Variants in KMT2A observed in about 807,000 individuals in gnomAD.
The protein encoded by KMT2A is histone-lysine N-methyltransferase 2A.
Under a neutral mutation model 345.3 loss-of-function variants are expected in KMT2A, and 16 were observed. The ratio of observed to expected loss-of-function variants is 0.05; its 90% CI spans 0.03 to 0.07. KMT2A has a LOEUF of 0.07. KMT2A is among the 10% of genes least tolerant of loss of function. KMT2A has a pLI of 1.00. For missense variants in KMT2A, 3,272 were observed against 4,841.6 expected (o/e 0.68, Z 9.62); for synonymous variants, 1,599 against 1,778.6 (o/e 0.90, Z 2.54).
chr11:118,472,678 C>T lies in KMT2A; in HGVS notation c.1519C>T (p.Pro507Ser), dbSNP rs191014566. ...ACTTCCTGAGGAGCGGAGCGATACC[C>T]CTGAAGTTCATCCTCCACTGCCCAT... ...QVLPEERSDT[P>S]EVHPPLPISQ... Residue 507 changes from proline (P) to serine (S), a missense_variant, in exon 3 of 36, where the codon CCT (proline) becomes TCT (serine). Physicochemically the swap from Pro to Ser is moderately conservative, Grantham distance 74. This residue lies in a region of KMT2A where 180 missense variants were observed against 190.7 expected (regional missense o/e 0.94). Coordinates refer to ENST00000534358, the MANE Select transcript of KMT2A (RefSeq NM_001197104.2). 7.7e-5 allele frequency: 124 copies of T among 1,613,088 alleles called. 1 individual carries two copies. The highest frequency in any genetic ancestry group is 7.2e-4 in the African/African-American group (54 of 74,622).
chr11:118,472,044 G>A lies in KMT2A; in HGVS notation c.885G>A (p.Lys295=), dbSNP rs2134258909. The A allele has an allele frequency of 6.2e-7, 1 of 1,613,398 alleles. No homozygotes were observed. Among genetic ancestry groups the A allele is most frequent in the Non-Finnish European group, 8.5e-7 (1 of 1,179,878 alleles). The part of the protein sequence containing the change: ...FKTGKLQIGR[K]GVQIVRRRGR... ...CAGGGAAGCTTCAAATAGGAAGGAA[G>A]GGGGTACAAATTGTACGACGGAGAG... Residue 295 remains lysine (K), a synonymous_variant, in exon 3 of 36, where the codon AAG becomes AAA. Coordinates refer to ENST00000534358, the MANE Select transcript of KMT2A (RefSeq NM_001197104.2).
intron 10 of KMT2A, among the ~76,000 whole-genome samples, chr11:118,486,422 T>C (rs1470124582): frequency 1.3e-5 from 2 of 152,008 alleles, no homozygotes; most frequent in South Asian, 2.1e-4. Flanking sequence ...TGTACCACCT[T>C]TACAATGAGG....
At chr11:118,518,626 C>A (rs552789671) in intron 31 of KMT2A, among the ~76,000 whole-genome samples, 6 of 151,604 alleles carry the variant, frequency 4.0e-5, no homozygotes, top group African/African-American at 1.5e-4. Context: ...ACTAAAAATA[C>A]AAAAAAATTA....
At chr11:118,451,683 G>T (rs537152459) in intron 1 of KMT2A, among the ~76,000 whole-genome samples, 1 of 149,774 alleles carries the variant, frequency 6.7e-6, no homozygotes, top group Non-Finnish European at 1.5e-5. Flanking sequence ...TGTAGAGATG[G>T]GGTCTCACCA....
At chr11:118,464,119 A>G (rs1555033537) in intron 1 of KMT2A, among the ~76,000 whole-genome samples, 2 of 152,240 alleles carry the variant, frequency 1.3e-5, no homozygotes, top group Non-Finnish European at 2.9e-5. Context: ...CAGACTGTCC[A>G]GTTTGCAAGG....
Position 118,503,305 on chromosome 11 carries a change from T to C in KMT2A, c.7413T>C (p.Val2471=). 1 of 1,614,106 alleles carries C rather than the reference T, an allele frequency of 6.2e-7. No individual in the cohort carries two copies. Among genetic ancestry groups the C allele is most frequent in the Non-Finnish European group, 8.5e-7 (1 of 1,179,952 alleles). Residue 2471 remains valine, a synonymous_variant, in exon 27 of 36, where the codon GTT becomes GTC. Transcript: ENST00000534358. This position sits in a 1 kb window ranked among gnomAD's most constrained non-coding sequence, Gnocchi z 5.3. ...GNLKPEFMDE[V]LTPEYMGQRP... ...TGAAGCCAGAGTTTATGGATGAGGT[T>C]TTGACTCCTGAGTATATGGGCCAAC...
At chr11:118,465,826 T>A (rs1949833569) in intron 1 of KMT2A, among the ~76,000 whole-genome samples, 1 of 152,226 alleles carries the variant, frequency 6.6e-6, no homozygotes, top group Non-Finnish European at 1.5e-5. Flanking sequence ...TGCCTGAAAG[T>A]ACATTTTAAA....
intron 1 of KMT2A, among the ~76,000 whole-genome samples, chr11:118,467,115 G>A (rs1949858506): frequency 6.6e-6 from 1 of 152,040 alleles, no homozygotes; most frequent in Admixed American, 6.5e-5. Context: ...AGTGGTGCAT[G>A]CCTGTAATCC....
At chr11:118,474,696 T>G (rs1950002258) in intron 3 of KMT2A, among the ~76,000 whole-genome samples, 1 of 152,216 alleles carries the variant, frequency 6.6e-6, no homozygotes, top group Admixed American at 6.5e-5. Flanking sequence ...AACCAGGGAC[T>G]TAATTGTAAA....
Position 118,484,365 on chromosome 11 carries a change from T to C in KMT2A, c.4218+51T>C. 1 of 1,583,426 alleles carries C rather than the reference T, an allele frequency of 6.3e-7. No homozygotes were observed. The highest frequency in any genetic ancestry group is 1.7e-5 in the Admixed American group (1 of 57,204). Reference sequence around the variant, plus strand: ...TATATTGAGTGTCAAAGACTTTAAATAAAGAAAATGCTACTACCAAAGGTG... The same window carrying C: ...TATATTGAGTGTCAAAGACTTTAAACAAAGAAAATGCTACTACCAAAGGTG... On this transcript the variant is annotated intron_variant, in intron 9 of 35. Coordinates refer to ENST00000534358, the MANE Select transcript of KMT2A (RefSeq NM_001197104.2). The surrounding 1 kb of genome is among the most constrained non-coding windows in gnomAD (Gnocchi z 4.1).
At chr11:118,466,774 G>A (rs1949851449) in intron 1 of KMT2A, among the ~76,000 whole-genome samples, 1 of 151,942 alleles carries the variant, frequency 6.6e-6, no homozygotes, top group African/African-American at 2.4e-5. Context: ...ACTCCAGCCT[G>A]GGCGACAGAG....
chr11:118,457,980 T>C (rs1555031392), intron 1 of KMT2A, among the ~76,000 whole-genome samples: 3 of 152,180 alleles, frequency 2.0e-5, no homozygotes, highest in South Asian at 2.1e-4. Context: ...ATGGCCGATA[T>C]ATATTTTAAT....
intron 1 of KMT2A, chr11:118,458,282 A>G (rs1260344348): frequency 1.9e-5 from 5 of 260,184 alleles, no homozygotes; most frequent in Non-Finnish European, 3.9e-5. Context: ...GGGTTTCACT[A>G]TGTTGGTCTA....
intron 1 of KMT2A, among the ~76,000 whole-genome samples, chr11:118,458,461 A>G (rs1380441152): frequency 1.3e-5 from 2 of 152,202 alleles, no homozygotes; most frequent in Non-Finnish European, 2.9e-5. Flanking sequence ...CTATAGTACT[A>G]TTACCACAGT....
chr11:118,450,130 T>C (rs1303650397), intron 1 of KMT2A: 3 of 152,202 alleles, frequency 2.0e-5, no homozygotes, highest in African/African-American at 7.2e-5. Flanking sequence ...TAAGTGGGCT[T>C]ATTTTTTCTG....
Position 118,497,431 on chromosome 11 carries a change from T to C in KMT2A, c.5665-505T>C, listed in dbSNP as rs998021780. Among the ~76,000 whole-genome samples, 2 of 152,232 alleles carry C rather than the reference T, an allele frequency of 1.3e-5. No individual in the cohort carries two copies. The highest frequency in any genetic ancestry group is 2.9e-5 in the Non-Finnish European group (2 of 68,042). On this transcript the variant is annotated intron_variant, in intron 20 of 35. Transcript: ENST00000534358. This position sits in a 1 kb window ranked among gnomAD's most constrained non-coding sequence, Gnocchi z 4.8. ...TTCCTTTTGAGACCAGGTCTTGCTC[T>C]GTCACCCAGACTAGAGTACAGTGGC...
At chr11:118,474,672 G>A (rs1232072575) in intron 3 of KMT2A, among the ~76,000 whole-genome samples, 3 of 152,276 alleles carry the variant, frequency 2.0e-5, no homozygotes, top group East Asian at 1.9e-4. Flanking sequence ...TACCTTATAA[G>A]TTTGATGTAA....
Position 118,473,004 on chromosome 11 carries a change from G to T in KMT2A, c.1845G>T (p.Pro615=). ...AGCGAAAATCTATTTTGCGAGAACC[G>T]ACATTTAGGTGGACTTCTTTAAAGC... ...QGKRKSILRE[P]TFRWTSLKHS... The change falls in exon 3 of 36, where the codon CCG becomes CCT. Residue 615 remains proline, a synonymous_variant. Coordinates refer to ENST00000534358, the MANE Select transcript of KMT2A (RefSeq NM_001197104.2). The surrounding 1 kb of genome is among the most constrained non-coding windows in gnomAD (Gnocchi z 5.2). 1 of 1,614,064 alleles carries T rather than the reference G, an allele frequency of 6.2e-7. No individual in the cohort carries two copies. The highest frequency in any genetic ancestry group is 1.1e-5 in the South Asian group (1 of 91,062).
Position 118,491,635 on chromosome 11 carries a change from T to C in KMT2A, c.4820-109T>C, listed in dbSNP as rs930232679. 5 of 847,074 alleles carry C rather than the reference T, an allele frequency of 5.9e-6. No individual in the cohort carries two copies. In the Middle Eastern group the frequency reaches 1.1e-3, roughly 180 times the overall value. The allele number at this position is 847,074 out of a possible 1,614,324, so 52.5% of individuals were successfully genotyped here. ...ATCCATGAGGACATTAAAATCTTAA[T>C]GTGGTTCCCAACATATGGCTTTATA... On this transcript the variant is annotated intron_variant, in intron 14 of 35. Transcript: ENST00000534358. The surrounding 1 kb of genome is among the most constrained non-coding windows in gnomAD (Gnocchi z 4.2).
Sources: gnomAD v4.1 joint callset for allele counts (sites outside exome capture counted in the v4.1 genomes callset) on GRCh38, gnomAD v4.1.1 for gene constraint, gnomAD v4.1.1 regional missense constraint, Gnocchi (gnomAD v3.1) non-coding constraint, MANE v1.5 for transcripts, NCBI Gene and HGNC (gene_info 2026-07-23, HGNC 2026-07-21) for gene names.